The following SATB1 variants were observed in gnomAD, a reference collection of about 807,000 sequenced individuals.
SATB1 encodes the protein DNA-binding protein SATB1.
In SATB1, 11 loss-of-function variants were observed where a neutral mutation model predicts 86.9. That is an observed-to-expected ratio of 0.13 (90% CI 0.08 to 0.21). The LOEUF is 0.21. Ranked by LOEUF, SATB1 falls within the 10% of genes least tolerant of loss-of-function variation. The pLI is 1.00. For missense variants in SATB1, 551 were observed against 937.6 expected (o/e 0.59, Z 5.39); for synonymous variants, 357 against 357.2 (o/e 1.00, Z 0.01).
At chr3:18,445,441 G>A in intron 1 of SATB1, 1 of 985,318 alleles carries the variant, frequency 1.0e-6, no homozygotes, top group Non-Finnish European at 1.2e-6. Context: ...CAGCCTCGAG[G>A]GGTAAGTGTG....
At chr3:18,364,186 G>A (rs747501331) in intron 9 of SATB1, among the ~76,000 whole-genome samples, 16 of 152,054 alleles carry the variant, frequency 1.1e-4, no homozygotes, top group Non-Finnish European at 2.1e-4. Context: ...CTTGTGCCAT[G>A]GACCCTTCTG....
intron 9 of SATB1, among the ~76,000 whole-genome samples, chr3:18,375,213 C>T (rs570055911): frequency 3.4e-4 from 52 of 152,222 alleles, no homozygotes; most frequent in African/African-American, 1.1e-3. Context: ...TGCCTTGAAC[C>T]CTGAAGACAG....
intron 10 of SATB1, chr3:18,350,511 C>CT (rs1473002567): frequency 6.6e-6 from 1 of 152,250 alleles, no homozygotes; most frequent in Non-Finnish European, 1.5e-5. Flanking sequence ...CACTCGATAT[C>CT]CATAATTCTT....
intron 2 of SATB1, among the ~76,000 whole-genome samples, chr3:18,433,278 A>T (rs927799522): frequency 6.6e-6 from 1 of 152,196 alleles, no homozygotes; most frequent in Non-Finnish European, 1.5e-5. Flanking sequence ...TTTGAGTGTC[A>T]CGCTCATATA....
chr3:18,419,005 T>C (rs969557628), intron 2 of SATB1, among the ~76,000 whole-genome samples: 2 of 152,232 alleles, frequency 1.3e-5, no homozygotes, highest in African/African-American at 4.8e-5. Flanking sequence ...ACATTCATTT[T>C]TCCTTTTGTA....
intron 1 of SATB1, among the ~76,000 whole-genome samples, chr3:18,421,788 A>T (rs960660305): frequency 4.6e-5 from 7 of 152,014 alleles, no homozygotes; most frequent in Non-Finnish European, 7.4e-5. Flanking sequence ...AAATATTTTT[A>T]AAAAATTGAA....
In SATB1 at chr3:18,373,442, A is replaced by G. The variant is rs186714380; in HGVS notation, c.1575+4728T>C. 9.5e-4 allele frequency among the ~76,000 whole-genome samples: 145 copies of G among 152,368 alleles called. 1 individual carries two copies. The Middle Eastern group carries it at 0.01, about 11-fold the overall frequency. On this transcript the variant is annotated intron_variant, in intron 9 of 10. Coordinates refer to ENST00000338745, the MANE Select transcript of SATB1 (RefSeq NM_002971.6). ...TAAAAGATGCCTTCACTAGCATGCT[A>G]GCATACAGAATGCAATGTCAATGGT...
At chr3:18,412,923 G>A (rs1697928384) in intron 5 of SATB1, among the ~76,000 whole-genome samples, 2 of 152,048 alleles carry the variant, frequency 1.3e-5, no homozygotes, top group Admixed American at 1.3e-4. Context: ...CTCATTTAGA[G>A]AACAATTTAC....
chr3:18,349,869 A>C lies in SATB1; in HGVS notation c.1780-187T>G. 1 of 1,032,000 alleles carries C rather than the reference A, an allele frequency of 9.7e-7. No individual in the cohort carries two copies. Among genetic ancestry groups the C allele is most frequent in the Non-Finnish European group, 1.4e-6 (1 of 738,110 alleles). The allele number at this position is 1,032,000 out of a possible 1,614,324, so 63.9% of individuals were successfully genotyped here. On this transcript the variant is annotated intron_variant, in intron 10 of 10. Transcript: ENST00000338745. The surrounding 1 kb of genome is among the most constrained non-coding windows in gnomAD (Gnocchi z 5.5). The stretch of plus-strand genomic sequence containing the variant: ...TTTACAAAAAAATCAAAATGATATG[A>C]CTAGGAAGGGATGAATTAAGACAGC...
At chr3:18,406,364 T>C (rs969214118) in intron 5 of SATB1, among the ~76,000 whole-genome samples, 1 of 152,068 alleles carries the variant, frequency 6.6e-6, no homozygotes, top group African/African-American at 2.4e-5. Context: ...TCAGTATCTT[T>C]GTCTATAAAT....
intron 1 of SATB1, among the ~76,000 whole-genome samples, chr3:18,421,611 C>T (rs1369755856): frequency 6.6e-6 from 1 of 152,036 alleles, no homozygotes; most frequent in Non-Finnish European, 1.5e-5. Context: ...AGTTATGTGA[C>T]AGACCTAGTC....
At chr3:18,419,386 G>A (rs1698277561) in intron 2 of SATB1, among the ~76,000 whole-genome samples, 1 of 152,208 alleles carries the variant, frequency 6.6e-6, no homozygotes, top group East Asian at 1.9e-4. Context: ...ATTTAAACCT[G>A]AAGGCAGTCT....
At chr3:18,354,708 A>G (rs1694544024) in intron 9 of SATB1, among the ~76,000 whole-genome samples, 1 of 152,136 alleles carries the variant, frequency 6.6e-6, no homozygotes, top group Non-Finnish European at 1.5e-5. Context: ...GCACTTGGAT[A>G]TATGTGAAAA....
At chr3:18,445,210 C>T in intron 1 of SATB1, 1 of 981,466 alleles carries the variant, frequency 1.0e-6, no homozygotes, top group Non-Finnish European at 1.2e-6. Flanking sequence ...GCCCGCCCGG[C>T]TTCTCCCCCT....
At chr3:18,440,296 A>G (rs946485899), upstream of SATB1, among the ~76,000 whole-genome samples, 4 of 152,202 alleles carry the variant, frequency 2.6e-5, no homozygotes, top group Non-Finnish European at 5.9e-5. Flanking sequence ...ATTTCTTTCA[A>G]CTGGTTCTCA....
chr3:18,415,009 C>T, intron 5 of SATB1, 102 bp downstream of exon 5: 2 of 1,372,040 alleles, frequency 1.5e-6, no homozygotes, highest in Admixed American at 2.0e-5. Context: ...TTGGCAGATT[C>T]TTGCTTCAGA....
chr3:18,352,420 G>C lies in SATB1; in HGVS notation c.1576-225C>G. The C allele has an allele frequency of 2.0e-6, 1 of 501,428 alleles. No individual in the cohort carries two copies. Among genetic ancestry groups the C allele is most frequent in the Non-Finnish European group, 3.6e-6 (1 of 278,730 alleles). The allele number at this position is 501,428 out of a possible 1,614,324, so 31.1% of individuals were successfully genotyped here. On this transcript the variant is annotated intron_variant, in intron 9 of 10. Coordinates refer to ENST00000338745, the MANE Select transcript of SATB1 (RefSeq NM_002971.6). The surrounding 1 kb of genome is among the most constrained non-coding windows in gnomAD (Gnocchi z 4.1). Reference sequence around the variant, plus strand: ...AGTTCAGATTTGCATCTCAAAGGAGGGACATATTTTTTCAGACTCTGAGGG... The same window carrying C: ...AGTTCAGATTTGCATCTCAAAGGAGCGACATATTTTTTCAGACTCTGAGGG...
At chr3:18,439,857 C>T (rs1699191257), upstream of SATB1, among the ~76,000 whole-genome samples, 1 of 152,034 alleles carries the variant, frequency 6.6e-6, no homozygotes, top group African/African-American at 2.4e-5. Context: ...GGATTTTTAT[C>T]ATAAAAGAAA....
In SATB1 at chr3:18,420,842, T is replaced by C. The variant is rs1282720149; in HGVS notation, c.126A>G (p.Arg42=). The stretch of plus-strand genomic sequence containing the variant: ...TTGCACCTGTACTCCCAAGCCTTCC[T>C]CTTCCTAGCGGGCTCCCGTTCTGCT... The part of the protein sequence containing the change: ...RLEQNGSPLG[R]GRLGSTGAKM... Residue 42 remains arginine (R), a synonymous_variant, in exon 2 of 11, where the codon AGA becomes AGG. Transcript: ENST00000338745. 6.2e-7 allele frequency: 1 copy of C among 1,614,096 alleles called. No individual in the cohort carries two copies. Among genetic ancestry groups the C allele is most frequent in the Non-Finnish European group, 8.5e-7 (1 of 1,180,048 alleles).
Sources: allele counts gnomAD v4.1 joint callset (sites outside exome capture counted in the v4.1 genomes callset), GRCh38; gene constraint gnomAD v4.1.1; non-coding constraint Gnocchi (gnomAD v3.1); transcripts MANE v1.5; gene names NCBI Gene and HGNC (gene_info 2026-07-23, HGNC 2026-07-21).